The following ENPP2 variants were observed in gnomAD, a reference collection of about 807,000 sequenced individuals.
ENPP2 encodes the protein ectonucleotide pyrophosphatase/phosphodiesterase 2.
Under a neutral mutation model 120.2 loss-of-function variants are expected in ENPP2, and 51 were observed. The observed-to-expected ratio is 0.42, with a 90% CI of 0.34 to 0.54. The LOEUF (loss-of-function observed/expected upper bound fraction) is 0.54, where lower values mean the gene tolerates loss of function less well. ENPP2 is among the 20% of genes least tolerant of loss of function. ENPP2 has a pLI of 0.04. For missense variants in ENPP2, 920 were observed against 1,066.5 expected (o/e 0.86, Z 1.91); for synonymous variants, 365 against 366.4 (o/e 1.00, Z 0.04).
intron 1 of ENPP2, among the ~76,000 whole-genome samples, chr8:119,647,323 A>G (rs1003839646): frequency 3.3e-5 from 5 of 152,072 alleles, no homozygotes; most frequent in Non-Finnish European, 7.4e-5. Flanking sequence ...AGGCAGCTCC[A>G]TCCCTTTTGA....
At chr8:119,663,537 C>T (rs145123583) in intron 1 of ENPP2, among the ~76,000 whole-genome samples, 4 of 152,230 alleles carry the variant, frequency 2.6e-5, no homozygotes, top group African/African-American at 9.6e-5. Flanking sequence ...TCTAACAGCC[C>T]TACCTATAGA....
At chr8:119,609,102 G>C (rs1814920219) in intron 8 of ENPP2, among the ~76,000 whole-genome samples, 1 of 152,194 alleles carries the variant, frequency 6.6e-6, no homozygotes, top group Admixed American at 6.5e-5. Context: ...GCCTTTGAGA[G>C]TATCCTTAAA....
chr8:119,560,970 C>T (rs536476780), intron 24 of ENPP2, among the ~76,000 whole-genome samples: 2 of 152,264 alleles, frequency 1.3e-5, no homozygotes, highest in South Asian at 4.1e-4. Flanking sequence ...AATCGGATCA[C>T]AACATGTACT....
At chr8:119,658,262 T>C (rs1817823953) in intron 1 of ENPP2, among the ~76,000 whole-genome samples, 1 of 152,214 alleles carries the variant, frequency 6.6e-6, no homozygotes, top group Non-Finnish European at 1.5e-5. Flanking sequence ...TGGTAGGGAC[T>C]GGGGCTTCTG....
chr8:119,579,542 C>T (rs1056735813), intron 19 of ENPP2, among the ~76,000 whole-genome samples: 1 of 149,702 alleles, frequency 6.7e-6, no homozygotes, highest in Admixed American at 6.7e-5. Context: ...GAGCGAGAAA[C>T]GCCTCTTAGT....
rs779201526 is a variant in ENPP2 at position 119,583,822 on chromosome 8, A to G, written c.1456-18T>C. 3 of 1,529,218 alleles carry G rather than the reference A, an allele frequency of 2.0e-6. No homozygotes were observed. Among genetic ancestry groups the G allele is most frequent in the Non-Finnish European group, 2.7e-6 (3 of 1,108,014 alleles). 94.7% of individuals were successfully genotyped at this position (1,529,218 alleles called of 1,614,324 possible). On this transcript the variant is annotated intron_variant, in intron 16 of 24. Transcript: ENST00000075322. ...AAAACAGTCTTCCAAAAGAAAAGAAAAACAAAAACAGTTAAGCATTGTTAG... is the reference window on the plus strand; with the variant it reads ...AAAACAGTCTTCCAAAAGAAAAGAAGAACAAAAACAGTTAAGCATTGTTAG...
chr8:119,653,133 G>A (rs1266621245), intron 1 of ENPP2, among the ~76,000 whole-genome samples: 3 of 152,154 alleles, frequency 2.0e-5, no homozygotes, highest in East Asian at 1.9e-4. Flanking sequence ...GTTCACCTCT[G>A]GATAGCTCGT....
At chr8:119,671,150 A>AT (rs1818233502) in intron 1 of ENPP2, among the ~76,000 whole-genome samples, 1 of 150,380 alleles carries the variant, frequency 6.6e-6, no homozygotes, top group Non-Finnish European at 1.5e-5. Flanking sequence ...AAAAAAAAAA[A>AT]ATTAGCCTGG....
In ENPP2 at chr8:119,557,516, G is replaced by A. The variant is rs754951797; in HGVS notation, c.*5C>T. 6.2e-7 allele frequency: 1 copy of A among 1,609,718 alleles called. No individual in the cohort carries two copies. Among genetic ancestry groups the A allele is most frequent in the Non-Finnish European group, 8.5e-7 (1 of 1,178,134 alleles). On this transcript the variant is annotated 3_prime_UTR_variant, in exon 25 of 25. Coordinates refer to ENST00000075322, the MANE Select transcript of ENPP2 (RefSeq NM_001040092.3). ...GATAAGACTGTACTGCAGATGCTCA[G>A]AAAGTTAAATCTCGCTCTCATATGT...
At chr8:119,671,132 C>CAAAAAAAA (rs371191607) in intron 1 of ENPP2, among the ~76,000 whole-genome samples, 1 of 115,222 alleles carries the variant, frequency 8.7e-6, no homozygotes, top group African/African-American at 3.4e-5. Context: ...ACTAAAAATA[C>CAAAAAAAA]AAAAAAAAAA....
chr8:119,658,299 T>C (rs1160643543), intron 1 of ENPP2, among the ~76,000 whole-genome samples: 1 of 152,234 alleles, frequency 6.6e-6, no homozygotes. Flanking sequence ...AGGCAGAGTC[T>C]CAGCTCTGTC....
chr8:119,576,847 A>G (rs1477983763), intron 19 of ENPP2, among the ~76,000 whole-genome samples: 2 of 152,210 alleles, frequency 1.3e-5, no homozygotes, highest in Non-Finnish European at 2.9e-5. Flanking sequence ...TCTACCACCT[A>G]TCTAGAAATA....
chr8:119,595,866 G>C (rs142695308), intron 11 of ENPP2: 9 of 1,613,816 alleles, frequency 5.6e-6, no homozygotes, highest in Middle Eastern at 1.6e-4. Flanking sequence ...ACGAGTTTCC[G>C]CAGCATAATG....
At chr8:119,590,244 A>T (rs545462551) in intron 13 of ENPP2, among the ~76,000 whole-genome samples, 34 of 152,352 alleles carry the variant, frequency 2.2e-4, no homozygotes, top group Middle Eastern at 3.4e-3. Context: ...GCAAATATTT[A>T]TATAATGCTA....
At chr8:119,610,477 G>A (rs552011378) in intron 8 of ENPP2, among the ~76,000 whole-genome samples, 34 of 148,028 alleles carry the variant, frequency 2.3e-4, no homozygotes, top group African/African-American at 2.5e-4. Flanking sequence ...AATACAAGCC[G>A]ATAAGGTTAT....
intron 1 of ENPP2, among the ~76,000 whole-genome samples, chr8:119,658,310 G>A (rs1023323000): frequency 1.2e-4 from 18 of 152,278 alleles, no homozygotes; most frequent in East Asian, 1.2e-3. Context: ...CAGCTCTGTC[G>A]CGCAAGCTGG....
intron 19 of ENPP2, chr8:119,578,420 T>C (rs1425565125): frequency 6.6e-6 from 1 of 152,134 alleles, no homozygotes; most frequent in Non-Finnish European, 1.5e-5. Context: ...ACCAACAAAT[T>C]AAATGCAGGA....
chr8:119,561,814 TTTG>T (rs1563663469), intron 24 of ENPP2, among the ~76,000 whole-genome samples: 361 of 151,164 alleles, frequency 2.4e-3, no homozygotes, highest in African/African-American at 8.1e-3. Context: ...TGTGTGTGTG[TTTG>T]TGTGTGTGTG....
chr8:119,591,926 G>C (rs1406111306), intron 12 of ENPP2, among the ~76,000 whole-genome samples: 3 of 152,080 alleles, frequency 2.0e-5, no homozygotes, highest in African/African-American at 4.8e-5. Flanking sequence ...ATATTTCTAG[G>C]AAGTCCCTTA....
Sources: gnomAD v4.1 joint callset for allele counts (sites outside exome capture counted in the v4.1 genomes callset) on GRCh38, gnomAD v4.1.1 for gene constraint, MANE v1.5 for transcripts, NCBI Gene and HGNC (gene_info 2026-07-23, HGNC 2026-07-21) for gene names.